Variants in RAP1GDS1 observed in about 807,000 individuals in gnomAD.
RAP1GDS1 encodes RAP1, GTP-GDP dissociation stimulator 1.
In RAP1GDS1, 35 loss-of-function variants were observed where a neutral mutation model predicts 71.1. The observed-to-expected ratio is 0.49, with a 90% CI of 0.38 to 0.65. The LOEUF (loss-of-function observed/expected upper bound fraction) is 0.65. Ranked by LOEUF, RAP1GDS1 falls within the 30% of genes least tolerant of loss-of-function variation. The pLI is 0.00. For missense variants in RAP1GDS1, 663 were observed against 706.1 expected (o/e 0.94, Z 0.69); for synonymous variants, 229 against 243.1 (o/e 0.94, Z 0.54).
chr4:98,276,306 T>C (rs1009278020), intron 1 of RAP1GDS1, among the ~76,000 whole-genome samples: 7 of 152,162 alleles, frequency 4.6e-5, no homozygotes, highest in African/African-American at 1.7e-4. Context: ...TTTCAACATA[T>C]GAATTTTTAG....
chr4:98,421,260 G>A lies in RAP1GDS1; in HGVS notation c.1306G>A (p.Ala436Thr), dbSNP rs1255460349. The change falls in exon 12 of 15, where the codon GCT becomes ACT. Residue 436 changes from alanine (A) to threonine (T), a missense_variant. Physicochemically the swap from Ala to Thr is moderately conservative, Grantham distance 58 (BLOSUM62 0). Coordinates refer to ENST00000408927, the MANE Select transcript of RAP1GDS1 (RefSeq NM_001100427.2). The part of the protein sequence containing the change: ...LRMLIDAQAE[A>T]AEQLGKNVKL... ...GTTTGCCTTCTTTCCTATAGCAGAA[G>A]CTGCTGAACAATTGGGAAAGAATGT... 63 of 1,605,016 alleles carry A rather than the reference G, an allele frequency of 3.9e-5. No homozygotes were observed. Among genetic ancestry groups the A allele is most frequent in the Non-Finnish European group, 5.3e-5 (62 of 1,175,270 alleles).
intron 2 of RAP1GDS1, among the ~76,000 whole-genome samples, chr4:98,306,825 A>G (rs74513961): frequency 0.066 from 10,050 of 152,172 alleles, 374 homozygotes; most frequent in Admixed American, 0.13. Flanking sequence ...AGTGGGTTCT[A>G]TTCGCTCTAG....
At chr4:98,356,963 A>G (rs1365123969) in intron 4 of RAP1GDS1, among the ~76,000 whole-genome samples, 1 of 151,862 alleles carries the variant, frequency 6.6e-6, no homozygotes, top group Non-Finnish European at 1.5e-5. Flanking sequence ...TTTTATGTAA[A>G]AATTCTTTAT....
chr4:98,405,487 C>G (rs1745984407), intron 7 of RAP1GDS1, among the ~76,000 whole-genome samples: 2 of 151,992 alleles, frequency 1.3e-5, no homozygotes, highest in Non-Finnish European at 2.9e-5. Flanking sequence ...ATGAGACATT[C>G]TCATATGCAT....
intron 1 of RAP1GDS1, among the ~76,000 whole-genome samples, chr4:98,279,919 C>A (rs985161321): frequency 1.3e-5 from 2 of 152,198 alleles, no homozygotes; most frequent in Admixed American, 6.5e-5. Context: ...TCATCCATAT[C>A]CCTGCAAAGG....
In RAP1GDS1 at chr4:98,408,809, T is replaced by TA. The variant is rs751789137; in HGVS notation, c.763+4214dup. Among the ~76,000 whole-genome samples the TA allele has an allele frequency of 9.9e-5, 15 of 152,220 alleles. No individual in the cohort carries two copies. The South Asian group carries it at 1.2e-3, about 13-fold the overall frequency. Reference sequence around the variant, plus strand: ...GAGAAACCATGATCTTCTCAGATTTTAAAAAAAGCTTTTCATAAAATTAAG... The same window carrying TA: ...GAGAAACCATGATCTTCTCAGATTTTAAAAAAAAGCTTTTCATAAAATTAAG... On this transcript the variant is annotated intron_variant, in intron 7 of 14. Transcript: ENST00000408927.
intron 4 of RAP1GDS1, among the ~76,000 whole-genome samples, chr4:98,356,556 A>G (rs2110431974): frequency 6.6e-6 from 1 of 152,252 alleles, no homozygotes; most frequent in East Asian, 1.9e-4. Flanking sequence ...CTAGAAGAAA[A>G]TGATTACGTG....
In RAP1GDS1 at chr4:98,392,111, T is replaced by TTAAC. The variant is rs1553994956; in HGVS notation, c.637+33_637+36dup. The stretch of plus-strand genomic sequence containing the variant: ...TCTTAGTCATGAACCACAAATGTAA[T>TTAAC]TAACTTATTAATGTGCTTACAATAA... On this transcript the variant is annotated intron_variant, in intron 6 of 14. Coordinates refer to ENST00000408927, the MANE Select transcript of RAP1GDS1 (RefSeq NM_001100427.2). 5.7e-6 allele frequency: 9 copies of TTAAC among 1,582,058 alleles called. No homozygotes were observed. The South Asian group carries it at 6.9e-5, about 12-fold the overall frequency.
Position 98,310,228 on chromosome 4 carries a change from T to TG in RAP1GDS1, c.112+16714dup, listed in dbSNP as rs1208125110. Among the ~76,000 whole-genome samples the TG allele has an allele frequency of 2.6e-5, 4 of 152,140 alleles. No individual in the cohort carries two copies. In the East Asian group the frequency reaches 7.7e-4, roughly 29 times the overall value. On this transcript the variant is annotated intron_variant, in intron 2 of 14. Transcript: ENST00000408927. ...TATTTATTTAGTATGTGCCAAACAT[T>TG]GTGCTATCTCACAATAATGACAGAA...
chr4:98,392,031 A>G lies in RAP1GDS1; in HGVS notation c.588A>G (p.Ala196=). 1 of 1,613,004 alleles carries G rather than the reference A, an allele frequency of 6.2e-7. No homozygotes were observed. The highest frequency in any genetic ancestry group is 8.5e-7 in the Non-Finnish European group (1 of 1,179,362). The change falls in exon 6 of 15, where the codon GCA becomes GCG. Residue 196 remains alanine (A), a synonymous_variant. Coordinates refer to ENST00000408927, the MANE Select transcript of RAP1GDS1 (RefSeq NM_001100427.2). ...VKLLGIHCQN[A]ALTEMCLVAF... Reference sequence around the variant, plus strand: ...TACTGGGCATCCACTGCCAAAATGCAGCTCTTACAGAAATGTGTCTTGTTG... The same window carrying G: ...TACTGGGCATCCACTGCCAAAATGCGGCTCTTACAGAAATGTGTCTTGTTG...
intron 1 of RAP1GDS1, among the ~76,000 whole-genome samples, chr4:98,277,846 G>A (rs999517366): frequency 6.6e-6 from 1 of 152,252 alleles, no homozygotes; most frequent in East Asian, 1.9e-4. Context: ...GCAGCAGCCT[G>A]TGGGCCAAAT....
At chr4:98,263,861 G>T (rs1722363785) in intron 1 of RAP1GDS1, among the ~76,000 whole-genome samples, 1 of 152,168 alleles carries the variant, frequency 6.6e-6, no homozygotes, top group Admixed American at 6.5e-5. Flanking sequence ...CCAGTACACT[G>T]TAGGTTGGTT....
chr4:98,303,735 G>A (rs572862025), intron 2 of RAP1GDS1, among the ~76,000 whole-genome samples: 1 of 151,828 alleles, frequency 6.6e-6, no homozygotes, highest in East Asian at 1.9e-4. Context: ...TACATGTGCA[G>A]GGCATGCAGG....
At chr4:98,362,280 G>C (rs1474444318) in intron 4 of RAP1GDS1, among the ~76,000 whole-genome samples, 2 of 152,130 alleles carry the variant, frequency 1.3e-5, no homozygotes, top group African/African-American at 4.8e-5. Flanking sequence ...AGGAGTGCAA[G>C]ATTAGCCTGG....
intron 14 of RAP1GDS1, chr4:98,441,322 T>C: frequency 1.0e-6 from 1 of 980,358 alleles, no homozygotes. Flanking sequence ...GTAATTGAAG[T>C]TAAATAGAGA....
intron 12 of RAP1GDS1, among the ~76,000 whole-genome samples, chr4:98,424,542 A>C: frequency 6.6e-6 from 1 of 152,296 alleles, no homozygotes; most frequent in Non-Finnish European, 1.5e-5. Context: ...TAGGTGGATC[A>C]TTGTGGTCAG....
At chr4:98,345,146 T>C (rs1459218716) in intron 3 of RAP1GDS1, among the ~76,000 whole-genome samples, 1 of 152,192 alleles carries the variant, frequency 6.6e-6, no homozygotes, top group Non-Finnish European at 1.5e-5. Context: ...GAGTGTTCTT[T>C]TCAAAAGAAA....
chr4:98,341,982 G>A (rs1343530800), intron 2 of RAP1GDS1, among the ~76,000 whole-genome samples: 6 of 152,080 alleles, frequency 3.9e-5, no homozygotes, highest in Non-Finnish European at 8.8e-5. Flanking sequence ...ACCTTACCAT[G>A]TGCAATATTT....
intron 2 of RAP1GDS1, among the ~76,000 whole-genome samples, chr4:98,321,068 G>C (rs1388022340): frequency 6.8e-6 from 1 of 146,064 alleles, no homozygotes; most frequent in Admixed American, 6.9e-5. Context: ...ATACAGAGAA[G>C]TGCTTAAAGG....
Sources: gnomAD v4.1 joint callset for allele counts (sites outside exome capture counted in the v4.1 genomes callset) on GRCh38, gnomAD v4.1.1 for gene constraint, MANE v1.5 for transcripts, NCBI Gene and HGNC (gene_info 2026-07-23, HGNC 2026-07-21) for gene names.